The following RALYL variants were observed in gnomAD, a reference collection of about 807,000 sequenced individuals.
The protein encoded by RALYL is RNA-binding Raly-like protein.
Under a neutral mutation model 35.1 loss-of-function variants are expected in RALYL, and 29 were observed. The observed-to-expected ratio is 0.83, with a 90% CI of 0.61 to 1.13. The LOEUF is 1.13. RALYL is among the 50% of genes most tolerant of loss of function. The probability of loss-of-function intolerance (pLI) is 0.00; values close to 1 mark genes in which losing one functional copy is unlikely to be tolerated. For synonymous variants in RALYL, 120 were observed against 127.6 expected, an observed-to-expected ratio of 0.94 and a Z score of 0.40; for missense variants, 359 against 360.4, an observed-to-expected ratio of 1.00 and a Z score of 0.03.
At chr8:84,787,284 T>C (rs959205924) in intron 3 of RALYL, among the ~76,000 whole-genome samples, 1 of 152,120 alleles carries the variant, frequency 6.6e-6, no homozygotes, top group African/African-American at 2.4e-5. Context: ...CCTGTGTTAG[T>C]TTGATGAGAA....
At chr8:84,520,052 G>T (rs957647321) in intron 1 of RALYL, among the ~76,000 whole-genome samples, 5 of 152,182 alleles carry the variant, frequency 3.3e-5, no homozygotes, top group African/African-American at 9.7e-5. Flanking sequence ...TTTATTAATT[G>T]CTTCATTTCT....
At chr8:84,190,839 G>T (rs1813667010) in intron 1 of RALYL, among the ~76,000 whole-genome samples, 1 of 151,824 alleles carries the variant, frequency 6.6e-6, no homozygotes, top group African/African-American at 2.4e-5. Flanking sequence ...GTGGGAATAA[G>T]TCCTGCACAG....
chr8:84,809,839 G>A (rs765128302), intron 4 of RALYL, among the ~76,000 whole-genome samples: 14 of 151,856 alleles, frequency 9.2e-5, no homozygotes, highest in African/African-American at 1.2e-4. Flanking sequence ...CTCCTGTTTC[G>A]TTTCTTAATG....
intron 2 of RALYL, among the ~76,000 whole-genome samples, chr8:84,555,279 A>C (rs907823512): frequency 1.4e-5 from 2 of 144,050 alleles, no homozygotes; most frequent in Non-Finnish European, 1.5e-5. Flanking sequence ...CTCCATCTCA[A>C]TATATACATA....
At chr8:84,604,967 TC>T (rs2130796266) in intron 2 of RALYL, among the ~76,000 whole-genome samples, 1 of 138,076 alleles carries the variant, frequency 7.2e-6, no homozygotes, top group Admixed American at 6.9e-5. Flanking sequence ...GACATTCTGT[TC>T]TTCAAACAAT....
chr8:84,616,814 A>G (rs1310077613), intron 2 of RALYL, among the ~76,000 whole-genome samples: 1 of 151,874 alleles, frequency 6.6e-6, no homozygotes, highest in African/African-American at 2.4e-5. Flanking sequence ...ACATATGCCT[A>G]GTCAGTTTTC....
chr8:84,815,850 A>G (rs1279484866), intron 4 of RALYL, among the ~76,000 whole-genome samples: 1 of 151,934 alleles, frequency 6.6e-6, no homozygotes, highest in Non-Finnish European at 1.5e-5. Context: ...CCTGGCCAAC[A>G]TGGTGAAACC....
intron 2 of RALYL, among the ~76,000 whole-genome samples, chr8:84,691,576 A>C (rs1838058911): frequency 6.6e-6 from 1 of 152,068 alleles, no homozygotes; most frequent in African/African-American, 2.4e-5. Context: ...AATTAAAGAA[A>C]GAGCAAATGA....
intron 4 of RALYL, among the ~76,000 whole-genome samples, chr8:84,811,588 C>T (rs1201194318): frequency 6.6e-6 from 1 of 152,144 alleles, no homozygotes; most frequent in Non-Finnish European, 1.5e-5. Context: ...AAGTTTTCCT[C>T]GATTTTTCCC....
intron 1 of RALYL, among the ~76,000 whole-genome samples, chr8:84,191,869 A>C (rs1245612310): frequency 1.1e-4 from 16 of 152,240 alleles, no homozygotes; most frequent in Non-Finnish European, 2.1e-4. Flanking sequence ...AATAATGTGA[A>C]TTAAGTGTAA....
intron 4 of RALYL, among the ~76,000 whole-genome samples, chr8:84,826,624 A>C (rs1433063376): frequency 6.6e-6 from 1 of 152,102 alleles, no homozygotes; most frequent in East Asian, 1.9e-4. Flanking sequence ...AAAGACAATC[A>C]AATGTTGACA....
rs1166308465 is a variant in RALYL, at chr8:84,862,394, G to C, written c.512G>C (p.Gly171Ala). ...VAVTTTRRGK[G>A]VFSMKGGSRS... ...GTCACAACGACTCGCAGGGGGAAAG[G>C]AGTCTTTTCCATGAAAGGTGGATCG... The change falls in exon 6 of 9, where the codon GGA becomes GCA. Residue 171 changes from glycine to alanine, a missense_variant. By Grantham distance (60) the Gly-to-Ala change is moderately conservative (BLOSUM62 0). Coordinates refer to ENST00000521268, the MANE Select transcript of RALYL (RefSeq NM_173848.7). The C allele has an allele frequency of 6.2e-7, 1 of 1,607,482 alleles. No homozygotes were observed. Among genetic ancestry groups the C allele is most frequent in the Non-Finnish European group, 8.5e-7 (1 of 1,177,260 alleles).
chr8:84,267,074 G>C (rs146548551), intron 1 of RALYL, among the ~76,000 whole-genome samples: 2,888 of 151,962 alleles, frequency 0.019, 42 homozygotes, highest in Non-Finnish European at 0.031. Flanking sequence ...CTTAAGCAGC[G>C]GATGTGCTCA....
At chr8:84,255,771 T>C (rs1313984213) in intron 1 of RALYL, among the ~76,000 whole-genome samples, 1 of 152,164 alleles carries the variant, frequency 6.6e-6, no homozygotes, top group Non-Finnish European at 1.5e-5. Flanking sequence ...TGTGTTTACA[T>C]GCACTTATGT....
chr8:84,426,297 A>G (rs528931508), intron 1 of RALYL, among the ~76,000 whole-genome samples: 1 of 152,106 alleles, frequency 6.6e-6, no homozygotes, highest in Non-Finnish European at 1.5e-5. Context: ...CAATTTTACT[A>G]TCTACAGCCT....
intron 1 of RALYL, among the ~76,000 whole-genome samples, chr8:84,275,246 G>A (rs1835129158): frequency 6.6e-6 from 1 of 151,876 alleles, no homozygotes; most frequent in Non-Finnish European, 1.5e-5. Flanking sequence ...ATCTTAGCTT[G>A]CTATTTTTTG....
In RALYL at chr8:84,362,994, C is replaced by CAG. The variant is rs201344167; in HGVS notation, c.-23-166304_-23-166303insGA. Among the ~76,000 whole-genome samples, 125 of 152,202 alleles carry CAG rather than the reference C, an allele frequency of 8.2e-4. 1 individual carries two copies. Among genetic ancestry groups the CAG allele is most frequent in the African/African-American group, 2.7e-3 (113 of 41,516 alleles). ...GAGATTGAAGGATCAGAAACACACA[C>CAG]ACACACATACACACATGAACTTAAG... is the stretch of plus-strand genomic sequence containing the variant. On this transcript the variant is annotated intron_variant, in intron 1 of 8. Transcript: ENST00000521268.
intron 4 of RALYL, among the ~76,000 whole-genome samples, chr8:84,816,719 C>T (rs1827385228): frequency 6.6e-6 from 1 of 151,880 alleles, no homozygotes; most frequent in Admixed American, 6.6e-5. Context: ...TGACTATAGT[C>T]AATAATAACA....
intron 2 of RALYL, among the ~76,000 whole-genome samples, chr8:84,608,518 C>T (rs556447742): frequency 2.6e-5 from 4 of 152,282 alleles, no homozygotes; most frequent in East Asian, 1.9e-4. Flanking sequence ...ATCTGCTAGA[C>T]TAATCCTGAG....
Sources: gnomAD v4.1 joint callset for allele counts (sites outside exome capture counted in the v4.1 genomes callset) on GRCh38, gnomAD v4.1.1 for gene constraint, MANE v1.5 for transcripts, NCBI Gene and HGNC (gene_info 2026-07-23, HGNC 2026-07-21) for gene names.